SFXN4: variants seen among roughly 807,000 people sequenced by gnomAD.
SFXN4 encodes the protein sideroflexin 4, also known as sideroflexin-4.
A neutral mutation model predicts 54.6 loss-of-function variants in SFXN4; 48 were observed. The observed-to-expected ratio is 0.88, with a 90% CI of 0.70 to 1.12. The LOEUF (loss-of-function observed/expected upper bound fraction) is 1.12, where lower values mean the gene tolerates loss of function less well. SFXN4 is among the 50% of genes most tolerant of loss of function. SFXN4 has a pLI of 0.00. For missense variants in SFXN4, 383 were observed against 409.2 expected (o/e 0.94, Z 0.55); for synonymous variants, 130 against 145.5 (o/e 0.89, Z 0.77).
At position 119,147,977 on chromosome 10, in the gene SFXN4, C is replaced by T. The variant is rs1846891896; in HGVS notation, c.733-117G>A. The stretch of plus-strand genomic sequence containing the variant: ...CTTGAGGTCAGTAGTTTGAGACCAG[C>T]CTGGCCAACATGGTGAAACCCTGTC... On this transcript the variant is annotated intron_variant, in intron 11 of 13. Transcript: ENST00000355697. The T allele has an allele frequency of 3.1e-5, 22 of 712,660 alleles. No individual in the cohort carries two copies. In the East Asian group the frequency reaches 6.0e-4, roughly 20 times the overall value. The allele number at this position is 712,660 out of a possible 1,614,324, so 44.1% of individuals were successfully genotyped here. A position where few individuals can be genotyped will look rare whatever the true frequency, so the allele number is the denominator to read the frequency against.
chr10:119,164,055 A>G, intron 2 of SFXN4, 76 bp downstream of exon 2: 2 of 870,928 alleles, frequency 2.3e-6, no homozygotes, highest in East Asian at 2.8e-5. Context: ...AAAAAAAAAA[A>G]AAAAAAAAAG....
intron 13 of SFXN4, among the ~76,000 whole-genome samples, chr10:119,144,904 T>C (rs1459512959): frequency 6.6e-6 from 1 of 152,160 alleles, no homozygotes; most frequent in Admixed American, 6.6e-5. Context: ...TTATAGAACA[T>C]TTCCATCACT....
In SFXN4 at chr10:119,165,229, A is replaced by G. The variant is rs866896388; in HGVS notation, c.111+308T>C. 7.6e-5 allele frequency: 84 copies of G among 1,104,234 alleles called. No homozygotes were observed. The African/African-American group carries it at 1.1e-3, about 14-fold the overall frequency. 68.4% of individuals were successfully genotyped at this position (1,104,234 alleles called of 1,614,324 possible). A position where few individuals can be genotyped will look rare whatever the true frequency, so the allele number is the denominator to read the frequency against. ...AGGTGCGAGAGCCTGTTTCTCCCCA[A>G]TCTGCTGCTCAGCCACAGCTCAGGC... is the stretch of plus-strand genomic sequence containing the variant. On this transcript the variant is annotated intron_variant, in intron 1 of 13. Coordinates refer to ENST00000355697, the MANE Select transcript of SFXN4 (RefSeq NM_213649.2).
chr10:119,156,056 T>C (rs1847267224), intron 10 of SFXN4, among the ~76,000 whole-genome samples: 1 of 152,212 alleles, frequency 6.6e-6, no homozygotes, highest in South Asian at 2.1e-4. Context: ...TAAATAGGAA[T>C]AATATTTCCT....
chr10:119,163,710 C>T (rs566041310), intron 2 of SFXN4, among the ~76,000 whole-genome samples: 6 of 152,170 alleles, frequency 3.9e-5, no homozygotes, highest in South Asian at 2.1e-4. Flanking sequence ...GTCAGATGTA[C>T]GCTTTTCCTT....
At chr10:119,143,866 T>C (rs1846665467) in intron 13 of SFXN4, among the ~76,000 whole-genome samples, 1 of 152,170 alleles carries the variant, frequency 6.6e-6, no homozygotes, top group Admixed American at 6.5e-5. Context: ...TCTTCCCACG[T>C]TGGTCTCCCA....
At chr10:119,163,884 T>C (rs1036578014) in intron 2 of SFXN4, among the ~76,000 whole-genome samples, 1 of 151,720 alleles carries the variant, frequency 6.6e-6, no homozygotes, top group Non-Finnish European at 1.5e-5. Context: ...CTACTAAAAA[T>C]ACAAAATTAG....
At chr10:119,144,540 A>T (rs1049592217) in intron 13 of SFXN4, among the ~76,000 whole-genome samples, 11 of 150,504 alleles carry the variant, frequency 7.3e-5, no homozygotes, top group African/African-American at 2.7e-4. Context: ...TTTGGAAATT[A>T]AAAAAATTGG....
rs554378197 is a variant in SFXN4 at position 119,164,482 on chromosome 10, A to G, written c.112-286T>C. ...TATCAAATTGCCCTTGAGGGTTAAA[A>G]TCCCAGACTTTGGGGGTTCAAATGG... On this transcript the variant is annotated intron_variant, in intron 1 of 13. Coordinates refer to ENST00000355697, the MANE Select transcript of SFXN4 (RefSeq NM_213649.2). Among the ~76,000 whole-genome samples the G allele has an allele frequency of 3.3e-5, 5 of 152,240 alleles. No individual in the cohort carries two copies. The East Asian group carries it at 9.7e-4, about 29-fold the overall frequency.
intron 6 of SFXN4, among the ~76,000 whole-genome samples, chr10:119,159,405 G>T (rs1847422323): frequency 1.3e-5 from 2 of 152,226 alleles, no homozygotes; most frequent in South Asian, 4.1e-4. Context: ...GTGGCCAGGG[G>T]TTTGTGCAGG....
Position 119,157,661 on chromosome 10 carries a change from T to C in SFXN4, c.537+7A>G. 6.3e-7 allele frequency: 1 copy of C among 1,586,580 alleles called. No homozygotes were observed. The highest frequency in any genetic ancestry group is 8.6e-7 in the Non-Finnish European group (1 of 1,169,210). On this transcript the variant is annotated splice_region_variant and intron_variant, in intron 9 of 13. Transcript: ENST00000355697. Reference sequence around the variant, plus strand: ...AAGAAGATTTGACAGATTCTAAAAATACCTACTCCTAAGAAAGTTGAAGAA... The same window carrying C: ...AAGAAGATTTGACAGATTCTAAAAACACCTACTCCTAAGAAAGTTGAAGAA...
intron 1 of SFXN4, among the ~76,000 whole-genome samples, chr10:119,164,794 C>A (rs1020533961): frequency 4.6e-5 from 7 of 152,192 alleles, no homozygotes; most frequent in African/African-American, 1.7e-4. Flanking sequence ...CAGGGCTGGA[C>A]CCCACTTTAG....
At chr10:119,162,515 T>G in intron 2 of SFXN4, 101 bp from the exon 3 acceptor site, 3 of 875,864 alleles carry the variant, frequency 3.4e-6, no homozygotes, top group Non-Finnish European at 3.7e-6. Flanking sequence ...TGCACTGGAC[T>G]TCGACTGCAT....
intron 11 of SFXN4, among the ~76,000 whole-genome samples, chr10:119,148,654 C>A (rs867749250): frequency 6.6e-6 from 1 of 152,122 alleles, no homozygotes; most frequent in Admixed American, 6.5e-5. Flanking sequence ...TCCGTACCCA[C>A]GTTTCACAGC....
chr10:119,158,106 AAGG>A, intron 6 of SFXN4, 44 bp from the exon 7 acceptor site: 1 of 1,578,438 alleles, frequency 6.3e-7, no homozygotes, highest in East Asian at 2.2e-5. Flanking sequence ...GTTGCTGTGG[AAGG>A]AGAACTTGCA....
intron 11 of SFXN4, among the ~76,000 whole-genome samples, chr10:119,149,314 G>T (rs1846952847): frequency 6.6e-6 from 1 of 152,046 alleles, no homozygotes; most frequent in Non-Finnish European, 1.5e-5. Flanking sequence ...ACCTTCCCAG[G>T]CTCCTCCTAC....
At chr10:119,153,016 A>G (rs1169800300) in intron 11 of SFXN4, among the ~76,000 whole-genome samples, 1 of 152,138 alleles carries the variant, frequency 6.6e-6, no homozygotes, top group Non-Finnish European at 1.5e-5. Flanking sequence ...CCTGCTAAAA[A>G]CATATTATTT....
chr10:119,145,119 A>C (rs1846732085), intron 13 of SFXN4, among the ~76,000 whole-genome samples: 1 of 152,060 alleles, frequency 6.6e-6, no homozygotes, highest in South Asian at 2.1e-4. Context: ...CCCTTGAATA[A>C]TGCAGGTTTG....
chr10:119,142,458 C>A (rs769013464), intron 13 of SFXN4, among the ~76,000 whole-genome samples: 1 of 151,004 alleles, frequency 6.6e-6, no homozygotes, highest in Non-Finnish European at 1.5e-5. Flanking sequence ...ACTACTATGT[C>A]ATTGTCACAC....
Sources: gnomAD v4.1 joint callset for allele counts (sites outside exome capture counted in the v4.1 genomes callset) on GRCh38, gnomAD v4.1.1 for gene constraint, MANE v1.5 for transcripts, NCBI Gene and HGNC (gene_info 2026-07-23, HGNC 2026-07-21) for gene names.